PAAF1: variants seen among roughly 807,000 people sequenced by gnomAD.
The protein encoded by PAAF1 is proteasomal ATPase associated factor 1, also known as proteasomal ATPase-associated factor 1.
Under a neutral mutation model 52.8 loss-of-function variants are expected in PAAF1, and 46 were observed. The ratio of observed to expected loss-of-function variants is 0.87; its 90% CI spans 0.69 to 1.11. PAAF1 has a LOEUF of 1.11. Among genes scored for constraint, PAAF1 ranks in the 50% most tolerant of loss-of-function variants. PAAF1 has a pLI of 0.00. For missense variants in PAAF1, 424 were observed against 477.4 expected, an observed-to-expected ratio of 0.89 and a Z score of 1.04; for synonymous variants, 178 against 172.8, an observed-to-expected ratio of 1.03 and a Z score of -0.24.
At chr11:73,904,622 G>A (rs1949709791) in intron 6 of PAAF1, among the ~76,000 whole-genome samples, 1 of 152,018 alleles carries the variant, frequency 6.6e-6, no homozygotes, top group Admixed American at 6.6e-5. Context: ...AATAGGAGGT[G>A]CTTCAAGGCT....
rs1950406447 is a variant in PAAF1 at position 73,928,022 on chromosome 11, TG to T, written c.*661del. On this transcript the variant is annotated 3_prime_UTR_variant, in exon 12 of 12. Transcript: ENST00000310571. ...TCAGCCTATATGTAGGTGAGGAAAC[TG>T]AATCATAAGCATTGTAAAGGCATTG... is the stretch of plus-strand genomic sequence containing the variant. 1 of 152,360 alleles carries T rather than the reference TG, an allele frequency of 6.6e-6. No individual in the cohort carries two copies. The highest frequency in any genetic ancestry group is 2.4e-5 in the African/African-American group (1 of 41,454). 9.4% of individuals were successfully genotyped at this position (152,360 alleles called of 1,614,324 possible). A position where few individuals can be genotyped will look rare whatever the true frequency, so the allele number is the denominator to read the frequency against.
chr11:73,894,008 G>T (rs529374946), intron 4 of PAAF1, among the ~76,000 whole-genome samples: 136 of 152,218 alleles, frequency 8.9e-4, no homozygotes, highest in African/African-American at 3.1e-3. Flanking sequence ...CTGCTCTGTT[G>T]CCCAGGCTGG....
In PAAF1 at chr11:73,921,672, G is replaced by A. The variant is rs1429518948; in HGVS notation, c.1018+2640G>A. On this transcript the variant is annotated intron_variant, in intron 10 of 11. Transcript: ENST00000310571. ...GTGCTCCTTTCACTGTCCAGGTCTT[G>A]AAAGACTCTAGCATGAACTGTCTCT... 9.0e-6 allele frequency: 7 copies of A among 781,484 alleles called. No homozygotes were observed. In the African/African-American group the frequency reaches 1.0e-4, roughly 12 times the overall value. 48.4% of individuals were successfully genotyped at this position (781,484 alleles called of 1,614,324 possible). A position where few individuals can be genotyped will look rare whatever the true frequency, so the allele number is the denominator to read the frequency against.
At chr11:73,905,624 C>T (rs1240487114) in intron 6 of PAAF1, among the ~76,000 whole-genome samples, 5 of 151,886 alleles carry the variant, frequency 3.3e-5, no homozygotes, top group African/African-American at 1.2e-4. Context: ...TGTTAAGAGA[C>T]CCACACTAGA....
chr11:73,884,608 A>G lies in PAAF1; in HGVS notation c.89-2746A>G, dbSNP rs545924797. Among the ~76,000 whole-genome samples the G allele has an allele frequency of 2.6e-5, 4 of 152,320 alleles. No homozygotes were observed. The East Asian group carries it at 7.7e-4, about 29-fold the overall frequency. On this transcript the variant is annotated intron_variant, in intron 2 of 11. Coordinates refer to ENST00000310571, the MANE Select transcript of PAAF1 (RefSeq NM_025155.3). Reference sequence around the variant, plus strand: ...CTTCTTAAGGCAGTTGGTAAACACAATAGGGAATCATGGAGTGGGATAAAA... The same window carrying G: ...CTTCTTAAGGCAGTTGGTAAACACAGTAGGGAATCATGGAGTGGGATAAAA...
chr11:73,876,715 T>C (rs1383201359), upstream of PAAF1: 1 of 284,530 alleles, frequency 3.5e-6, no homozygotes, highest in East Asian at 5.7e-5. Flanking sequence ...AGCCCCGTTG[T>C]GCCCGCAACG....
At chr11:73,915,664 T>C (rs1203044749) in intron 8 of PAAF1, among the ~76,000 whole-genome samples, 3 of 152,224 alleles carry the variant, frequency 2.0e-5, no homozygotes, top group African/African-American at 4.8e-5. Context: ...AGACCATTAG[T>C]TGAAGTTTCT....
At chr11:73,886,044 T>C (rs1359448986) in intron 2 of PAAF1, among the ~76,000 whole-genome samples, 2 of 152,188 alleles carry the variant, frequency 1.3e-5, no homozygotes, top group African/African-American at 2.4e-5. Flanking sequence ...TAGACATGAA[T>C]ATATAAGGTG....
intron 3 of PAAF1, among the ~76,000 whole-genome samples, chr11:73,890,798 C>T (rs1949176458): frequency 6.6e-6 from 1 of 152,160 alleles, no homozygotes; most frequent in African/African-American, 2.4e-5. Flanking sequence ...ATTAGATTTT[C>T]TTCTTAAAAC....
intron 4 of PAAF1, among the ~76,000 whole-genome samples, chr11:73,898,403 A>C (rs954167238): frequency 6.6e-6 from 1 of 152,060 alleles, no homozygotes; most frequent in Non-Finnish European, 1.5e-5. Context: ...TTTTGTAGAG[A>C]TGGAGTCTCA....
chr11:73,916,471 C>T, intron 8 of PAAF1, 74 bp from the exon 9 acceptor site: 2 of 942,322 alleles, frequency 2.1e-6, no homozygotes, highest in East Asian at 2.6e-5. Flanking sequence ...GAAATTTTTC[C>T]TTTTTTGGTG....
chr11:73,902,195 T>G (rs377670122), intron 6 of PAAF1, among the ~76,000 whole-genome samples: 75 of 152,282 alleles, frequency 4.9e-4, no homozygotes, highest in African/African-American at 1.7e-3. Flanking sequence ...TTTATAACAT[T>G]TTGCCAGATT....
intron 6 of PAAF1, among the ~76,000 whole-genome samples, chr11:73,907,283 T>G (rs1017296470): frequency 2.6e-5 from 4 of 152,148 alleles, no homozygotes; most frequent in Non-Finnish European, 5.9e-5. Context: ...AGTTCCCTGT[T>G]GAGGTATGGT....
intron 2 of PAAF1, chr11:73,879,495 C>T (rs1045309863): frequency 5.3e-5 from 8 of 152,186 alleles, no homozygotes; most frequent in African/African-American, 1.9e-4. Flanking sequence ...AACCTTCCTT[C>T]TAAATTCTGT....
intron 4 of PAAF1, among the ~76,000 whole-genome samples, chr11:73,896,676 G>A (rs1418283546): frequency 6.6e-6 from 1 of 152,154 alleles, no homozygotes; most frequent in Non-Finnish European, 1.5e-5. Context: ...GGAACAAAAT[G>A]AAAAGTCTCC....
chr11:73,917,750 T>C (rs548858410), intron 9 of PAAF1, among the ~76,000 whole-genome samples: 26 of 152,056 alleles, frequency 1.7e-4, no homozygotes, highest in African/African-American at 6.0e-4. Flanking sequence ...CACGTACCTA[T>C]AATCCCAGGT....
intron 11 of PAAF1, among the ~76,000 whole-genome samples, chr11:73,926,846 G>A (rs1006231728): frequency 2.6e-5 from 4 of 152,180 alleles, no homozygotes; most frequent in Non-Finnish European, 5.9e-5. Context: ...TAGTAAAGCT[G>A]AGACTAACTC....
intron 6 of PAAF1, among the ~76,000 whole-genome samples, chr11:73,908,327 GTATA>G (rs565214384): frequency 1.4e-5 from 2 of 142,982 alleles, no homozygotes; most frequent in African/African-American, 2.6e-5. Flanking sequence ...GTGTATATAT[GTATA>G]TATATGTGTA....
chr11:73,913,118 C>T (rs1949977466), intron 7 of PAAF1, among the ~76,000 whole-genome samples: 1 of 152,200 alleles, frequency 6.6e-6, no homozygotes, highest in Non-Finnish European at 1.5e-5. Flanking sequence ...CTCAAGTGAT[C>T]TACCTGCCTT....
Sources: gnomAD v4.1 joint callset for allele counts (sites outside exome capture counted in the v4.1 genomes callset) on GRCh38, gnomAD v4.1.1 for gene constraint, MANE v1.5 for transcripts, NCBI Gene and HGNC (gene_info 2026-07-23, HGNC 2026-07-21) for gene names.